SLITRK3: variants seen among roughly 807,000 people sequenced by gnomAD.
SLITRK3 encodes the protein SLIT and NTRK-like protein 3.
A neutral mutation model predicts 63.6 loss-of-function variants in SLITRK3; 16 were observed. The ratio of observed to expected loss-of-function variants is 0.25; its 90% CI spans 0.17 to 0.38. The LOEUF (loss-of-function observed/expected upper bound fraction) is 0.38. Among genes scored for constraint, SLITRK3 ranks in the 10% least tolerant of loss-of-function variants. SLITRK3 has a pLI of 1.00. For synonymous variants in SLITRK3, 547 were observed against 451.6 expected, an observed-to-expected ratio of 1.21 and a Z score of -2.68; for missense variants, 1,117 against 1,181.4, an observed-to-expected ratio of 0.95 and a Z score of 0.80.
Position 165,189,867 on chromosome 3 carries a change from A to C in SLITRK3, c.964T>G (p.Ser322Ala), listed in dbSNP as rs1718129723. The C allele has an allele frequency of 1.2e-6, 2 of 1,614,160 alleles. No homozygotes were observed. The highest frequency in any genetic ancestry group is 1.7e-6 in the Non-Finnish European group (2 of 1,180,020). The change falls in exon 2 of 2, where the codon TCT (serine) becomes GCT (alanine). Residue 322 changes from serine to alanine, a missense_variant. Physicochemically the swap from Ser to Ala is moderately conservative, Grantham distance 99. Coordinates refer to ENST00000475390, the MANE Select transcript of SLITRK3 (RefSeq NM_001318810.2). This position sits in a 1 kb window ranked among gnomAD's most constrained non-coding sequence, Gnocchi z 4.0. ...TTTGAGGACTTGTATTCGACAGAAG[A>C]AGCAGTAAAATGAACAGAGGATAGC... ...SMLSSVHFTASSVEYKSSNKQ... is the reference protein window; with the variant it reads ...SMLSSVHFTAASVEYKSSNKQ...
Position 165,188,509 on chromosome 3 carries a change from A to C in SLITRK3, c.2322T>G (p.Ser774Arg). 1 of 1,612,070 alleles carries C rather than the reference A, an allele frequency of 6.2e-7. No individual in the cohort carries two copies. The highest frequency in any genetic ancestry group is 1.7e-5 in the Admixed American group (1 of 59,764). ...GTGTCCCTGGACCCCCACGTTCTGC[A>C]CTCCCTGCTTCTTGGGCTGATGAAA... ...VAVSSAQEAG[S>R]AERGGPGTQP... Residue 774 changes from serine to arginine, a missense_variant, in exon 2 of 2, where the codon AGT becomes AGG. Coordinates refer to ENST00000475390, the MANE Select transcript of SLITRK3 (RefSeq NM_001318810.2).
Position 165,196,194 on chromosome 3 carries a change from G to A in SLITRK3, c.-636C>T, listed in dbSNP as rs1247699160. The stretch of plus-strand genomic sequence containing the variant: ...AAAGGGTGGGGAGAGGCGGAAAGGA[G>A]GCAGGAAGGGGGCGACTAGATCTCA... On this transcript the variant is annotated 5_prime_UTR_variant, in exon 1 of 2. Transcript: ENST00000475390. Among the ~76,000 whole-genome samples, 2 of 151,426 alleles carry A rather than the reference G, an allele frequency of 1.3e-5. No individual in the cohort carries two copies. Among genetic ancestry groups the A allele is most frequent in the Non-Finnish European group, 2.9e-5 (2 of 67,918 alleles).
Position 165,188,909 on chromosome 3 carries a change from G to T in SLITRK3, c.1922C>A (p.Pro641His). ...HLIGAPTSAS[P>H]YEFSPPGGPV... is the part of the protein sequence containing the mutation. The stretch of plus-strand genomic sequence containing the variant: ...GCCCCCAGGAGGAGAAAACTCATAA[G>T]GTGATGCACTGGTTGGTGCCCCAAT... Residue 641 changes from proline (P) to histidine (H), a missense_variant, in exon 2 of 2, where the codon CCT (proline) becomes CAT (histidine). Coordinates refer to ENST00000475390, the MANE Select transcript of SLITRK3 (RefSeq NM_001318810.2). 1 of 1,614,112 alleles carries T rather than the reference G, an allele frequency of 6.2e-7. No individual in the cohort carries two copies.
rs1407774822 is a variant in SLITRK3, at chr3:165,188,082, G to C, written c.2749C>G (p.Pro917Ala). Residue 917 changes from proline (P) to alanine (A), a missense_variant, in exon 2 of 2, where the codon CCT (proline) becomes GCT (alanine). Transcript: ENST00000475390. ...AAGTCTGGGTATTGCATGCCAGGAG[G>C]GTGCACGTGCAGTTCCTTTAATTTG... ...VPKLKELHVH[P>A]PGMQYPDLQQ... 1 of 1,613,710 alleles carries C rather than the reference G, an allele frequency of 6.2e-7. No individual in the cohort carries two copies.
chr3:165,190,997 A>C, intron 1 of SLITRK3, 146 bp from the exon 2 acceptor site: 2 of 590,922 alleles, frequency 3.4e-6, no homozygotes, highest in Non-Finnish European at 5.8e-6. Context: ...CAACATACTT[A>C]ATGTTTAGAG....
chr3:165,192,852 C>T (rs903637504), intron 1 of SLITRK3, among the ~76,000 whole-genome samples: 2 of 152,100 alleles, frequency 1.3e-5, no homozygotes, highest in Admixed American at 1.3e-4. Context: ...CCGCTGCCGC[C>T]GCGGTGGCTG....
chr3:165,190,982 G>T, intron 1 of SLITRK3, 131 bp from the exon 2 acceptor site: 1 of 609,804 alleles, frequency 1.6e-6, no homozygotes, highest in East Asian at 2.8e-5. Flanking sequence ...CTCAAGATGA[G>T]CTAGCAACAT....
intron 1 of SLITRK3, among the ~76,000 whole-genome samples, chr3:165,192,185 T>C (rs1406460518): frequency 6.8e-6 from 1 of 147,536 alleles, no homozygotes; most frequent in Non-Finnish European, 1.5e-5. Context: ...AATGATATAA[T>C]TTATAGGAAA....
In SLITRK3 at chr3:165,188,279, C is replaced by T. The variant is rs1560052646; in HGVS notation, c.2552G>A (p.Gly851Glu). ...PAVGGVSGVV[G>E]GTGGDLAGFR... is the part of the protein sequence containing the mutation. Reference sequence around the variant, plus strand: ...CCCTGCCAAGTCTCCCCCAGTTCCCCCAACTACTCCTGAAACCCCACCAAC... The same window carrying T: ...CCCTGCCAAGTCTCCCCCAGTTCCCTCAACTACTCCTGAAACCCCACCAAC... Residue 851 changes from glycine (G) to glutamate (E), a missense_variant, in exon 2 of 2, where the codon GGG (glycine) becomes GAG (glutamate). This residue lies in a region of SLITRK3 where 499 missense variants were observed against 463.6 expected (regional missense o/e 1.08). Transcript: ENST00000475390. 1 of 1,613,672 alleles carries T rather than the reference C, an allele frequency of 6.2e-7. No homozygotes were observed. Among genetic ancestry groups the T allele is most frequent in the South Asian group, 1.1e-5 (1 of 91,050 alleles).
Position 165,189,307 on chromosome 3 carries a change from C to T in SLITRK3, c.1524G>A (p.Leu508=). 1 of 1,614,218 alleles carries T rather than the reference C, an allele frequency of 6.2e-7. No individual in the cohort carries two copies. Among genetic ancestry groups the T allele is most frequent in the Non-Finnish European group, 8.5e-7 (1 of 1,180,042 alleles). ...AAFSLMPNLK[L]LFLNNNLLRT... is the part of the protein sequence containing the mutation. The stretch of plus-strand genomic sequence containing the variant: ...TCAGTAAGTTATTATTGAGGAATAG[C>T]AGCTTCAAGTTGGGCATGAGGCTGA... Residue 508 remains leucine, a synonymous_variant, in exon 2 of 2, where the codon CTG becomes CTA. Coordinates refer to ENST00000475390, the MANE Select transcript of SLITRK3 (RefSeq NM_001318810.2). This position sits in a 1 kb window ranked among gnomAD's most constrained non-coding sequence, Gnocchi z 4.0.
chr3:165,191,499 C>A (rs1718225561), intron 1 of SLITRK3, among the ~76,000 whole-genome samples: 1 of 152,146 alleles, frequency 6.6e-6, no homozygotes, highest in African/African-American at 2.4e-5. Context: ...TCAGTATGTA[C>A]ACTATATGTC....
At position 165,196,328 on chromosome 3, in the gene SLITRK3, A is replaced by G. The variant is rs1701252631; in HGVS notation, c.-770T>C. Reference sequence around the variant, plus strand: ...ACACCAAATTCCACTTGGATTTGGGAGATCTCAGGCAAAGCACGAAGGTGA... The same window carrying G: ...ACACCAAATTCCACTTGGATTTGGGGGATCTCAGGCAAAGCACGAAGGTGA... On this transcript the variant is annotated 5_prime_UTR_variant, in exon 1 of 2. Coordinates refer to ENST00000475390, the MANE Select transcript of SLITRK3 (RefSeq NM_001318810.2). Among the ~76,000 whole-genome samples the G allele has an allele frequency of 6.6e-6, 1 of 151,550 alleles. No homozygotes were observed. The highest frequency in any genetic ancestry group is 2.4e-5 in the African/African-American group (1 of 41,240).
In SLITRK3 at chr3:165,190,334, C is replaced by A; in HGVS notation, c.497G>T (p.Ser166Ile). 6.2e-7 allele frequency: 1 copy of A among 1,614,156 alleles called. No individual in the cohort carries two copies. The highest frequency in any genetic ancestry group is 8.5e-7 in the Non-Finnish European group (1 of 1,180,026). Residue 166 changes from serine (S) to isoleucine (I), a missense_variant, in exon 2 of 2, where the codon AGT (serine) becomes ATT (isoleucine). Ser to Ile is a moderately radical substitution (Grantham distance 142). Transcript: ENST00000475390. ...ADYNVIKRIE[S>I]GAFRNLSKLR... Reference sequence around the variant, plus strand: ...TTTACTTAGGTTCCGAAATGCCCCACTCTCAATACGTTTAATGACATTGTA... The same window carrying A: ...TTTACTTAGGTTCCGAAATGCCCCAATCTCAATACGTTTAATGACATTGTA...
chr3:165,194,705 A>G (rs144919903), intron 1 of SLITRK3, among the ~76,000 whole-genome samples: 69 of 152,086 alleles, frequency 4.5e-4, no homozygotes, highest in South Asian at 6.2e-4. Flanking sequence ...CCATGATGTG[A>G]TGGAATCGAT....
intron 1 of SLITRK3, among the ~76,000 whole-genome samples, chr3:165,191,877 A>C (rs750810516): frequency 1.3e-5 from 2 of 152,310 alleles, no homozygotes; most frequent in Middle Eastern, 3.4e-3. Flanking sequence ...ACACGAAATA[A>C]ATTTCAAAAA....
In SLITRK3 at chr3:165,189,629, G is replaced by C. The variant is rs1299321729; in HGVS notation, c.1202C>G (p.Ser401Cys). The C allele has an allele frequency of 1.2e-6, 2 of 1,614,218 alleles. No homozygotes were observed. The change falls in exon 2 of 2, where the codon TCT becomes TGT. Residue 401 changes from serine to cysteine, a missense_variant. Ser to Cys is a moderately radical substitution (Grantham distance 112, BLOSUM62 -1). This residue lies in a region of SLITRK3 where 452 missense variants were observed against 495.3 expected (regional missense o/e 0.91). Coordinates refer to ENST00000475390, the MANE Select transcript of SLITRK3 (RefSeq NM_001318810.2). The surrounding 1 kb of genome is among the most constrained non-coding windows in gnomAD (Gnocchi z 4.0). ...NCKERGFNNISELLPRPLNAK... is the reference protein window; with the variant it reads ...NCKERGFNNICELLPRPLNAK... ...ATTCAAGGGCCTTGGAAGAAGTTCA[G>C]AAATGTTATTAAATCCTCGCTCTTT...
chr3:165,192,273 C>G (rs1718258634), intron 1 of SLITRK3, among the ~76,000 whole-genome samples: 1 of 151,984 alleles, frequency 6.6e-6, no homozygotes, highest in Admixed American at 6.5e-5. Flanking sequence ...CGTGAGAAAG[C>G]AAAGAGAAAT....
At chr3:165,191,656 G>T (rs1718232586) in intron 1 of SLITRK3, among the ~76,000 whole-genome samples, 1 of 152,222 alleles carries the variant, frequency 6.6e-6, no homozygotes, top group Non-Finnish European at 1.5e-5. Flanking sequence ...CAGAGCTAAA[G>T]ATAGGGACAG....
Position 165,187,983 on chromosome 3 carries a change from T to G in SLITRK3, c.2848A>C (p.Lys950Gln), listed in dbSNP as rs1369882987. 6.2e-7 allele frequency: 1 copy of G among 1,614,044 alleles called. No individual in the cohort carries two copies. Among genetic ancestry groups the G allele is most frequent in the Non-Finnish European group, 8.5e-7 (1 of 1,180,002 alleles). The change falls in exon 2 of 2, where the codon AAA becomes CAA. Residue 950 changes from lysine (K) to glutamine (Q), a missense_variant. Physicochemically the swap from Lys to Gln is moderately conservative, Grantham distance 53. This residue lies in a region of SLITRK3 where 499 missense variants were observed against 463.6 expected (regional missense o/e 1.08). Coordinates refer to ENST00000475390, the MANE Select transcript of SLITRK3 (RefSeq NM_001318810.2). ...GKGFTDHQTQKSDYLELRAKL... is the reference protein window; with the variant it reads ...GKGFTDHQTQQSDYLELRAKL... ...GCCCTTAACTCGAGGTAATCACTTTTTTGGGTTTGGTGGTCTGTGAAGCCC... is the reference window on the plus strand; with the variant it reads ...GCCCTTAACTCGAGGTAATCACTTTGTTGGGTTTGGTGGTCTGTGAAGCCC...
Sources: gnomAD v4.1 joint callset for allele counts (sites outside exome capture counted in the v4.1 genomes callset) on GRCh38, gnomAD v4.1.1 for gene constraint, gnomAD v4.1.1 regional missense constraint, Gnocchi (gnomAD v3.1) non-coding constraint, MANE v1.5 for transcripts, NCBI Gene and HGNC (gene_info 2026-07-23, HGNC 2026-07-21) for gene names.